Variants in CACNA2D3 observed in about 807,000 individuals in gnomAD.
CACNA2D3 encodes the protein calcium voltage-gated channel auxiliary subunit alpha2delta 3.
CACNA2D3 carries 60 observed loss-of-function variants against 160.6 expected under a neutral mutation model. The ratio of observed to expected loss-of-function variants is 0.37; its 90% confidence interval spans 0.30 to 0.46. The LOEUF (loss-of-function observed/expected upper bound fraction) is 0.46. Ranked by LOEUF, CACNA2D3 falls within the 20% of genes least tolerant of loss-of-function variation. The pLI is 1.00. For missense variants in CACNA2D3, 1,205 were observed against 1,365.0 expected (o/e 0.88, Z 1.85); for synonymous variants, 558 against 492.9 (o/e 1.13, Z -1.75).
chr3:54,203,259 A>C (rs1192912797), intron 2 of CACNA2D3, among the ~76,000 whole-genome samples: 1 of 152,178 alleles, frequency 6.6e-6, no homozygotes, highest in Non-Finnish European at 1.5e-5. Flanking sequence ...TCCCCCTCGC[A>C]GGGCGTGCGA....
intron 5 of CACNA2D3, among the ~76,000 whole-genome samples, chr3:54,508,519 C>G (rs1466042915): frequency 6.6e-6 from 1 of 152,124 alleles, no homozygotes; most frequent in African/African-American, 2.4e-5. Context: ...GGTAGATGCT[C>G]AATAAATACT....
At chr3:54,987,120 G>A (rs1295318195) in intron 30 of CACNA2D3, among the ~76,000 whole-genome samples, 1 of 152,172 alleles carries the variant, frequency 6.6e-6, no homozygotes, top group African/African-American at 2.4e-5. Flanking sequence ...GGGCTGGATA[G>A]TCTTACTCTT....
chr3:54,991,092 T>A (rs1320637776), intron 31 of CACNA2D3, among the ~76,000 whole-genome samples: 1 of 152,166 alleles, frequency 6.6e-6, no homozygotes, highest in Non-Finnish European at 1.5e-5. Flanking sequence ...GCTTGGCTTG[T>A]CCTTGACAGA....
At chr3:54,532,280 T>C (rs1701817729) in intron 5 of CACNA2D3, among the ~76,000 whole-genome samples, 1 of 152,328 alleles carries the variant, frequency 6.6e-6, no homozygotes, top group Non-Finnish European at 1.5e-5. Flanking sequence ...CAGAAACATG[T>C]GCTGCATTGA....
At chr3:54,582,113 C>T (rs1044914802) in intron 9 of CACNA2D3, among the ~76,000 whole-genome samples, 2 of 152,204 alleles carry the variant, frequency 1.3e-5, no homozygotes, top group African/African-American at 4.8e-5. Context: ...TGTCCTTGTG[C>T]TCTAATAAAC....
chr3:54,799,667 T>G (rs1361944437), intron 13 of CACNA2D3, among the ~76,000 whole-genome samples: 1 of 152,208 alleles, frequency 6.6e-6, no homozygotes, highest in Admixed American at 6.5e-5. Context: ...CCCTTTCATC[T>G]TTTTGGAGAG....
intron 27 of CACNA2D3, among the ~76,000 whole-genome samples, chr3:54,930,491 C>T (rs1003864782): frequency 6.6e-6 from 1 of 152,180 alleles, no homozygotes; most frequent in African/African-American, 2.4e-5. Flanking sequence ...TAAGGCCCAG[C>T]TGGGATCCAG....
chr3:55,003,744 G>T (rs1703031750), intron 31 of CACNA2D3, among the ~76,000 whole-genome samples: 1 of 152,074 alleles, frequency 6.6e-6, no homozygotes, highest in Admixed American at 6.6e-5. Flanking sequence ...CTCTAGGTGT[G>T]GTGTTTAATT....
intron 4 of CACNA2D3, among the ~76,000 whole-genome samples, chr3:54,491,957 G>T (rs925560413): frequency 6.6e-6 from 1 of 152,156 alleles, no homozygotes; most frequent in South Asian, 2.1e-4. Flanking sequence ...TTCTCAACAC[G>T]CACAGGCAGT....
chr3:54,571,608 A>C (rs1702497846), intron 8 of CACNA2D3, among the ~76,000 whole-genome samples: 1 of 134,364 alleles, frequency 7.4e-6, no homozygotes, highest in South Asian at 2.6e-4. Context: ...TGAGCACTTA[A>C]CCAAGTGTGT....
intron 12 of CACNA2D3, among the ~76,000 whole-genome samples, chr3:54,758,984 G>T (rs1702031487): frequency 6.6e-6 from 1 of 152,168 alleles, no homozygotes; most frequent in African/African-American, 2.4e-5. Flanking sequence ...CACCACAGGA[G>T]CTTCTCATGC....
intron 3 of CACNA2D3, among the ~76,000 whole-genome samples, chr3:54,364,661 T>A (rs749475036): frequency 3.3e-5 from 5 of 152,246 alleles, no homozygotes; most frequent in Non-Finnish European, 5.9e-5. Flanking sequence ...AGTAAGACCG[T>A]TGCATTTCCC....
chr3:54,744,693 G>GGGAA (rs1204336098), intron 11 of CACNA2D3, among the ~76,000 whole-genome samples: 7 of 152,218 alleles, frequency 4.6e-5, no homozygotes, highest in Non-Finnish European at 1.0e-4. Context: ...GGCAGGCTGA[G>GGGAA]GGAAGTATCT....
intron 9 of CACNA2D3, among the ~76,000 whole-genome samples, chr3:54,606,754 G>A (rs1698635793): frequency 6.6e-6 from 1 of 152,050 alleles, no homozygotes; most frequent in Admixed American, 6.6e-5. Context: ...TGGATCCCTG[G>A]GTCATGAACA....
intron 9 of CACNA2D3, among the ~76,000 whole-genome samples, chr3:54,592,160 A>G (rs1472418502): frequency 6.6e-6 from 1 of 152,312 alleles, no homozygotes; most frequent in Admixed American, 6.5e-5. Context: ...GAAGTAGATC[A>G]TTTAAATTAT....
chr3:54,811,465 CTTT>C (rs71096451), intron 13 of CACNA2D3, among the ~76,000 whole-genome samples: 2 of 111,562 alleles, frequency 1.8e-5, no homozygotes, highest in African/African-American at 3.4e-5. Context: ...TCCCTCAGTT[CTTT>C]TTTTTTTTTT....
chr3:55,053,232 T>G (rs1413183845), intron 35 of CACNA2D3, among the ~76,000 whole-genome samples: 2 of 152,068 alleles, frequency 1.3e-5, no homozygotes, highest in Non-Finnish European at 1.5e-5. Context: ...TTTCTAGAAT[T>G]TTATGTAAAT....
chr3:54,737,616 T>C (rs1032030134), intron 11 of CACNA2D3, among the ~76,000 whole-genome samples: 1 of 152,078 alleles, frequency 6.6e-6, no homozygotes, highest in African/African-American at 2.4e-5. Context: ...ATTTTGACTT[T>C]TATTTTAAAT....
At chr3:54,811,767 C>G (rs1374651872) in intron 13 of CACNA2D3, among the ~76,000 whole-genome samples, 1 of 152,118 alleles carries the variant, frequency 6.6e-6, no homozygotes, top group Non-Finnish European at 1.5e-5. Context: ...TCCCAAAGTG[C>G]TGGGAGCACA....
Sources: allele counts gnomAD v4.1 joint callset (sites outside exome capture counted in the v4.1 genomes callset), GRCh38; gene constraint gnomAD v4.1.1; transcripts MANE v1.5; gene names NCBI Gene and HGNC (gene_info 2026-07-23, HGNC 2026-07-21).